Variants in TEX9 observed in about 807,000 individuals in gnomAD.
TEX9 encodes testis-expressed protein 9.
TEX9 carries 74 observed loss-of-function variants against 59.6 expected under a neutral mutation model. That is an observed-to-expected ratio of 1.24 (90% CI 1.03 to 1.51). TEX9 has a LOEUF of 1.51. Among genes scored for constraint, TEX9 ranks in the 40% most tolerant of loss-of-function variants. The probability of loss-of-function intolerance (pLI) is 0.00; values close to 1 mark genes in which losing one functional copy is unlikely to be tolerated. For missense variants in TEX9, 522 were observed against 447.8 expected (o/e 1.17, Z -1.49); for synonymous variants, 186 against 152.2 (o/e 1.22, Z -1.64).
the TEX9 span, among the ~76,000 whole-genome samples, chr15:56,458,548 A>G: frequency 1.5e-4 from 15 of 96,830 alleles, no homozygotes; most frequent in Non-Finnish European, 2.2e-4. Context: ...ATGCATAATC[A>G]TATGTATCTA....
intron 12 of TEX9, among the ~76,000 whole-genome samples, chr15:56,433,366 A>G (rs964772016): frequency 6.6e-6 from 1 of 152,048 alleles, no homozygotes; most frequent in Non-Finnish European, 1.5e-5. Flanking sequence ...ACCATGGCAC[A>G]TGTATACCTG....
At position 56,331,692 on chromosome 15, in the gene TEX9, TA is replaced by T. The variant is rs545129365; in HGVS notation, c.-106-41740del. On this transcript the variant is annotated intron_variant, in intron 1 of 5. Coordinates refer to the TEX9 transcript ENST00000560827. ...AATTTTATAGCCATAAGCACCTACA[TA>T]AAAAAAAATTTTTAAATAAACACCC... 7.2e-4 allele frequency among the ~76,000 whole-genome samples: 109 copies of T among 151,204 alleles called. 1 individual carries two copies. The highest frequency in any genetic ancestry group is 3.4e-3 in the Middle Eastern group (1 of 292).
intron 10 of TEX9, among the ~76,000 whole-genome samples, chr15:56,419,690 T>G (rs1425759543): frequency 6.6e-6 from 1 of 151,868 alleles, no homozygotes; most frequent in East Asian, 1.9e-4. Flanking sequence ...TCTGTAGTCT[T>G]GATTTAGTTT....
At chr15:56,279,112 G>C (rs1025246497) in intron 1 of TEX9, among the ~76,000 whole-genome samples, 3 of 151,744 alleles carry the variant, frequency 2.0e-5, no homozygotes, top group African/African-American at 7.3e-5. Context: ...TAACTTTAAC[G>C]GGAAAAAAGC....
At chr15:56,432,899 T>A (rs1414419016) in intron 12 of TEX9, among the ~76,000 whole-genome samples, 3 of 152,218 alleles carry the variant, frequency 2.0e-5, no homozygotes, top group African/African-American at 7.2e-5. Context: ...TTCCTCTAAA[T>A]TCTTCTCTTC....
intron 10 of TEX9, among the ~76,000 whole-genome samples, chr15:56,418,597 G>C (rs542757106): frequency 6.6e-5 from 10 of 151,404 alleles, no homozygotes; most frequent in Non-Finnish European, 1.3e-4. Flanking sequence ...CTTGCAGTGA[G>C]CCAAGATTGC....
Position 56,299,162 on chromosome 15 carries a change from C to T in TEX9, c.-107+54884C>T, listed in dbSNP as rs2141552515. 3.3e-5 allele frequency among the ~76,000 whole-genome samples: 5 copies of T among 152,340 alleles called. No individual in the cohort carries two copies. In the South Asian group the frequency reaches 1.0e-3, roughly 32 times the overall value. ...CAGTCTTTAATTGCTGACGCCACCC[C>T]TCCACCATGCCCCAGCAGTAGCAAT... On this transcript the variant is annotated intron_variant, in intron 1 of 5. Transcript: ENST00000560827.
chr15:56,427,777 G>C, intron 11 of TEX9, 38 bp downstream of exon 11: 1 of 1,395,950 alleles, frequency 7.2e-7, no homozygotes, highest in Non-Finnish European at 9.4e-7. Flanking sequence ...CATATTATTT[G>C]TAACTTTCTT....
chr15:56,300,063 T>C (rs2725843), intron 1 of TEX9, among the ~76,000 whole-genome samples: 148,398 of 152,192 alleles, frequency 0.98, 72,469 homozygotes, highest in East Asian at 1. Flanking sequence ...ACCAAGCGGG[T>C]TCCCGGGGTC....
intron 1 of TEX9, among the ~76,000 whole-genome samples, chr15:56,326,844 A>G (rs1351997270): frequency 6.6e-6 from 1 of 152,210 alleles, no homozygotes; most frequent in African/African-American, 2.4e-5. Flanking sequence ...TCAGGCATGG[A>G]GGTAGCCATT....
intron 12 of TEX9, chr15:56,429,050 C>T (rs2050469999): frequency 8.5e-6 from 10 of 1,180,190 alleles, no homozygotes; most frequent in Middle Eastern, 1.9e-4. Flanking sequence ...GTTATGCTGA[C>T]ATCTAGTGGT....
At chr15:56,435,664 G>A (rs1002021386) in intron 12 of TEX9, among the ~76,000 whole-genome samples, 2 of 152,004 alleles carry the variant, frequency 1.3e-5, no homozygotes, top group Admixed American at 1.3e-4. Flanking sequence ...CTATTAAGGA[G>A]ACGGAATTAA....
intron 1 of TEX9, among the ~76,000 whole-genome samples, chr15:56,246,856 C>G (rs879495078): frequency 2.0e-4 from 30 of 151,996 alleles, no homozygotes; most frequent in Admixed American, 1.3e-3. Flanking sequence ...GAATTCAAAC[C>G]CTCTGTTTCG....
chr15:56,287,745 G>C (rs867693386), intron 1 of TEX9, among the ~76,000 whole-genome samples: 1 of 152,014 alleles, frequency 6.6e-6, no homozygotes, highest in Non-Finnish European at 1.5e-5. Context: ...ACTTCTAAAA[G>C]TTCTACATAT....
At chr15:56,435,464 C>G (rs2050706096) in intron 12 of TEX9, among the ~76,000 whole-genome samples, 1 of 151,604 alleles carries the variant, frequency 6.6e-6, no homozygotes, top group Non-Finnish European at 1.5e-5. Flanking sequence ...AAACAAATAA[C>G]TAATATCAGG....
chr15:56,350,492 A>G (rs2046556470), intron 1 of TEX9, among the ~76,000 whole-genome samples: 1 of 152,218 alleles, frequency 6.6e-6, no homozygotes, highest in Non-Finnish European at 1.5e-5. Context: ...GGGCTACATA[A>G]GAAGGTAGCC....
At chr15:56,383,903 GT>G (rs1226129696) in intron 3 of TEX9, 48 bp from the exon 4 acceptor site, 1 of 1,388,384 alleles carries the variant, frequency 7.2e-7, no homozygotes, top group South Asian at 1.3e-5. Context: ...TATCTTAATG[GT>G]TTGGTTTTTT....
intron 10 of TEX9, among the ~76,000 whole-genome samples, chr15:56,425,588 T>C (rs1305103904): frequency 6.6e-6 from 1 of 152,164 alleles, no homozygotes; most frequent in Non-Finnish European, 1.5e-5. Flanking sequence ...GTTGATAGTC[T>C]CATTTTATTA....
intron 1 of TEX9, among the ~76,000 whole-genome samples, chr15:56,269,447 T>C (rs2044470204): frequency 6.6e-6 from 1 of 152,186 alleles, no homozygotes; most frequent in South Asian, 2.1e-4. Flanking sequence ...CTGCTTTCTC[T>C]TGTGGGCATT....
Sources: gnomAD v4.1 joint callset for allele counts (sites outside exome capture counted in the v4.1 genomes callset) on GRCh38, gnomAD v4.1.1 for gene constraint, MANE v1.5 for transcripts, NCBI Gene and HGNC (gene_info 2026-07-23, HGNC 2026-07-21) for gene names.